CCNB2: variants seen among roughly 807,000 people sequenced by gnomAD.
The protein encoded by CCNB2 is cyclin B2.
CCNB2 carries 39 observed loss-of-function variants against 51.1 expected under a neutral mutation model. The ratio of observed to expected loss-of-function variants is 0.76; its 90% CI spans 0.59 to 1.00. CCNB2 has a LOEUF of 1.00. CCNB2 is among the 50% of genes least tolerant of loss of function. CCNB2 has a pLI of 0.00. For missense variants in CCNB2, 472 were observed against 470.3 expected, an observed-to-expected ratio of 1.00 and a Z score of -0.03; for synonymous variants, 174 against 165.5, an observed-to-expected ratio of 1.05 and a Z score of -0.40.
chr15:59,107,610 C>G lies in CCNB2; in HGVS notation c.207C>G (p.Asn69Lys), dbSNP rs765697847. Residue 69 changes from asparagine (N) to lysine (K), a missense_variant, in exon 3 of 9, where the codon AAC becomes AAG. Coordinates refer to ENST00000288207, the MANE Select transcript of CCNB2 (RefSeq NM_004701.4). ...AACCCACCAAAACAACAAATGTCAA[C>G]AAACAACTGAAACCTACTGCTTCTG... is the stretch of plus-strand genomic sequence containing the variant. Reference protein sequence around the residue: ...PVQPTKTTNVNKQLKPTASVK... With the variant: ...PVQPTKTTNVKKQLKPTASVK... 1.2e-5 allele frequency: 19 copies of G among 1,614,184 alleles called. No homozygotes were observed. In the South Asian group the frequency reaches 1.8e-4, roughly 15 times the overall value.
At chr15:59,105,408 T>C in intron 1 of CCNB2, 116 bp downstream of exon 1, 2 of 1,183,320 alleles carry the variant, frequency 1.7e-6, no homozygotes, top group South Asian at 2.8e-5. Flanking sequence ...TTTTCTCTTC[T>C]CCGGAGCTCA....
At chr15:59,108,002 A>G (rs1333171072) in intron 3 of CCNB2, among the ~76,000 whole-genome samples, 1 of 140,086 alleles carries the variant, frequency 7.1e-6, no homozygotes, top group East Asian at 2.1e-4. Flanking sequence ...TTGTCTCTGA[A>G]AAAAAAAAAT....
intron 3 of CCNB2, among the ~76,000 whole-genome samples, chr15:59,107,952 T>C (rs2079242791): frequency 6.6e-6 from 1 of 152,012 alleles, no homozygotes; most frequent in Non-Finnish European, 1.5e-5. Context: ...TGTGCTATAA[T>C]GGTGCCACTG....
chr15:59,108,993 T>C (rs1433245346), intron 3 of CCNB2, among the ~76,000 whole-genome samples: 5 of 152,142 alleles, frequency 3.3e-5, no homozygotes, highest in Non-Finnish European at 7.4e-5. Flanking sequence ...GTGTTTTACA[T>C]GTGTAATGGT....
intron 3 of CCNB2, among the ~76,000 whole-genome samples, chr15:59,109,026 C>T (rs1033696581): frequency 2.6e-5 from 4 of 152,154 alleles, no homozygotes; most frequent in African/African-American, 7.2e-5. Context: ...CCTCCCACAT[C>T]GCAGGAGGGC....
At chr15:59,110,758 C>G (rs564047196) in intron 3 of CCNB2, among the ~76,000 whole-genome samples, 3 of 152,174 alleles carry the variant, frequency 2.0e-5, no homozygotes, top group Non-Finnish European at 2.9e-5. Flanking sequence ...GCTGAGACCT[C>G]GGAAGAGTTC....
intron 8 of CCNB2, chr15:59,124,475 A>G (rs958641742): frequency 3.7e-5 from 15 of 402,618 alleles, no homozygotes; most frequent in Non-Finnish European, 6.8e-5. Context: ...TCGTAAACAC[A>G]GCTCCCCCTC....
chr15:59,113,977 C>T (rs1310515070), intron 3 of CCNB2, among the ~76,000 whole-genome samples: 1 of 152,240 alleles, frequency 6.6e-6, no homozygotes, highest in East Asian at 1.9e-4. Flanking sequence ...GCTAGAATTA[C>T]AGGCGTGAGC....
intron 3 of CCNB2, 68 bp from the exon 4 acceptor site, chr15:59,114,376 A>T: frequency 8.3e-7 from 1 of 1,205,752 alleles, no homozygotes; most frequent in Non-Finnish European, 1.2e-6. Flanking sequence ...TTGATATTTA[A>T]GCCAGTTGGC....
In CCNB2 at chr15:59,116,780, A is replaced by G. The variant is rs756700202; in HGVS notation, c.688A>G (p.Ile230Val). ...GTATGAGGAGATGTTTTCTCCAAATATTGAAGACTTTGTTTACATCACAGA... is the reference window on the plus strand; with the variant it reads ...GTATGAGGAGATGTTTTCTCCAAATGTTGAAGACTTTGTTTACATCACAGA... ...SKYEEMFSPNIEDFVYITDNA... is the reference protein window; with the variant it reads ...SKYEEMFSPNVEDFVYITDNA... The change falls in exon 6 of 9, where the codon ATT becomes GTT. Residue 230 changes from isoleucine (I) to valine (V), a missense_variant. Transcript: ENST00000288207. 1 of 1,613,988 alleles carries G rather than the reference A, an allele frequency of 6.2e-7. No homozygotes were observed. Among genetic ancestry groups the G allele is most frequent in the Non-Finnish European group, 8.5e-7 (1 of 1,179,906 alleles).
chr15:59,117,331 C>T lies in CCNB2; in HGVS notation c.938C>T (p.Ser313Phe). 6.2e-7 allele frequency: 1 copy of T among 1,613,938 alleles called. No homozygotes were observed. Among genetic ancestry groups the T allele is most frequent in the East Asian group, 2.2e-5 (1 of 44,878 alleles). ...YHPSKVAAAA[S>F]CLSQKVLGQG... ...CCTTCTAAGGTAGCAGCAGCTGCTT[C>T]CTGCTTGTCTCAGAAGGTTCTAGGA... The change falls in exon 7 of 9, where the codon TCC becomes TTC. Residue 313 changes from serine to phenylalanine, a missense_variant. Coordinates refer to ENST00000288207, the MANE Select transcript of CCNB2 (RefSeq NM_004701.4).
At chr15:59,115,229 C>A (rs28383528) in intron 5 of CCNB2, among the ~76,000 whole-genome samples, 1,632 of 152,220 alleles carry the variant, frequency 0.011, 26 homozygotes, top group Middle Eastern at 0.044. Flanking sequence ...TGCACAATTT[C>A]CATAGTTTGG....
chr15:59,119,637 G>A (rs539011047), intron 7 of CCNB2, among the ~76,000 whole-genome samples: 1 of 152,124 alleles, frequency 6.6e-6, no homozygotes, highest in African/African-American at 2.4e-5. Flanking sequence ...TATGTGTATT[G>A]TAGGATAAAA....
chr15:59,123,864 C>T (rs1233804127), intron 8 of CCNB2: 10 of 427,344 alleles, frequency 2.3e-5, no homozygotes, highest in African/African-American at 2.0e-4. Context: ...CATGTCCAGG[C>T]CCAGATCCCA....
intron 7 of CCNB2, among the ~76,000 whole-genome samples, chr15:59,119,677 A>G (rs913914983): frequency 2.0e-5 from 3 of 152,036 alleles, no homozygotes; most frequent in African/African-American, 7.3e-5. Flanking sequence ...AAGGACTAAA[A>G]TTTTCAATAT....
rs996802225 is a variant in CCNB2 at position 59,122,385 on chromosome 15, C to T, written c.976-1132C>T. On this transcript the variant is annotated intron_variant, in intron 7 of 8. Transcript: ENST00000288207. Reference sequence around the variant, plus strand: ...TGCCTCAGGCGCACACCACCATGCCCGGGGAATTTATGTATTTTTAGTAGA... The same window carrying T: ...TGCCTCAGGCGCACACCACCATGCCTGGGGAATTTATGTATTTTTAGTAGA... Among the ~76,000 whole-genome samples, 7 of 150,974 alleles carry T rather than the reference C, an allele frequency of 4.6e-5. No individual in the cohort carries two copies. In the South Asian group the frequency reaches 1.5e-3, roughly 32 times the overall value.
At chr15:59,111,825 AATTCT>A (rs1399393052) in intron 3 of CCNB2, among the ~76,000 whole-genome samples, 3 of 150,526 alleles carry the variant, frequency 2.0e-5, no homozygotes, top group African/African-American at 4.9e-5. Flanking sequence ...CAGGTTCCCA[AATTCT>A]ATTCTATTCT....
chr15:59,119,208 A>G (rs2079291652), intron 7 of CCNB2, among the ~76,000 whole-genome samples: 1 of 152,180 alleles, frequency 6.6e-6, no homozygotes, highest in Middle Eastern at 3.2e-3. Context: ...CTACATGTGA[A>G]ATTGGTAACA....
At chr15:59,110,792 A>C (rs1157900159) in intron 3 of CCNB2, among the ~76,000 whole-genome samples, 1 of 152,192 alleles carries the variant, frequency 6.6e-6, no homozygotes, top group African/African-American at 2.4e-5. Context: ...GTAGTCATAG[A>C]AGCTTATTAT....
Sources: allele counts gnomAD v4.1 joint callset (sites outside exome capture counted in the v4.1 genomes callset), GRCh38; gene constraint gnomAD v4.1.1; transcripts MANE v1.5; gene names NCBI Gene and HGNC (gene_info 2026-07-23, HGNC 2026-07-21).